The following SOWAHB variants were observed in gnomAD, a reference collection of about 807,000 sequenced individuals.
The protein encoded by SOWAHB is sosondowah ankyrin repeat domain family member B.
A neutral mutation model predicts 18.3 loss-of-function variants in SOWAHB; 17 were observed. That is an observed-to-expected ratio of 0.93 (90% CI 0.64 to 1.40). The LOEUF is 1.40. Ranked by LOEUF, SOWAHB falls within the 40% of genes most tolerant of loss-of-function variation. The pLI is 0.00. For synonymous variants in SOWAHB, 496 were observed against 448.1 expected, an observed-to-expected ratio of 1.11 and a Z score of -1.35; for missense variants, 1,126 against 1,033.7, an observed-to-expected ratio of 1.09 and a Z score of -1.22.
Position 76,896,931 on chromosome 4 carries a change from G to C in SOWAHB, c.919C>G (p.Arg307Gly). The C allele has an allele frequency of 6.2e-7, 1 of 1,610,160 alleles. No homozygotes were observed. The change falls in exon 1 of 1, where the codon CGA (arginine) becomes GGA (glycine). Residue 307 changes from arginine (R) to glycine (G), a missense_variant. Coordinates refer to ENST00000334306, the MANE Select transcript of SOWAHB (RefSeq NM_001029870.3). ...TGCGGGTGCCTGGCCACCCACTCTC[G>C]AGTGCGCTGCTGCTGCTGCTGCAGG... ...STLQQQQQRT[R>G]EWVARHPQVP... is the part of the protein sequence containing the mutation.
rs942454468 is a variant in SOWAHB at position 76,897,644 on chromosome 4, T to C, written c.206A>G (p.Lys69Arg). ...GTATCTCCTCTTGAGCACCACGTACTTGGTGCCGTCGGGGTCCTGGCGCAC... is the reference window on the plus strand; with the variant it reads ...GTATCTCCTCTTGAGCACCACGTACCTGGTGCCGTCGGGGTCCTGGCGCAC... ...AAVRQDPDGT[K>R]YVVLKRRYRD... The change falls in exon 1 of 1, where the codon AAG (lysine) becomes AGG (arginine). Residue 69 changes from lysine (K) to arginine (R), a missense_variant. Coordinates refer to ENST00000334306, the MANE Select transcript of SOWAHB (RefSeq NM_001029870.3). The surrounding 1 kb of genome is among the most constrained non-coding windows in gnomAD (Gnocchi z 6.4). The C allele has an allele frequency of 2.5e-6, 4 of 1,612,300 alleles. No homozygotes were observed. The East Asian group carries it at 8.9e-5, about 36-fold the overall frequency.
In SOWAHB at chr4:76,897,720, G is replaced by A. The variant is rs1339656667; in HGVS notation, c.130C>T (p.His44Tyr). The A allele has an allele frequency of 3.1e-6, 5 of 1,610,686 alleles. No homozygotes were observed. Among genetic ancestry groups the A allele is most frequent in the Non-Finnish European group, 4.2e-6 (5 of 1,179,890 alleles). Residue 44 changes from histidine (H) to tyrosine (Y), a missense_variant, in exon 1 of 1, where the codon CAC becomes TAC. Coordinates refer to ENST00000334306, the MANE Select transcript of SOWAHB (RefSeq NM_001029870.3). This position sits in a 1 kb window ranked among gnomAD's most constrained non-coding sequence, Gnocchi z 6.4. ...TTGAAGAGCTCGCGGCGGTGCTGGT[G>A]CTGGCTGGGGGACGCGTCGGGGTCT... is the stretch of plus-strand genomic sequence containing the variant. ...LRDPDASPSQ[H>Y]QHRRELFKGF...
At position 76,895,332 on chromosome 4, in the gene SOWAHB, A is replaced by G; in HGVS notation, c.*136T>C. The G allele has an allele frequency of 1.2e-6, 1 of 819,276 alleles. No individual in the cohort carries two copies. The highest frequency in any genetic ancestry group is 2.0e-5 in the South Asian group (1 of 49,152). The allele number at this position is 819,276 out of a possible 1,614,324, so 50.8% of individuals were successfully genotyped here. A position where few individuals can be genotyped will look rare whatever the true frequency, so the allele number is the denominator to read the frequency against. On this transcript the variant is annotated 3_prime_UTR_variant, in exon 1 of 1. Coordinates refer to ENST00000334306, the MANE Select transcript of SOWAHB (RefSeq NM_001029870.3). Reference sequence around the variant, plus strand: ...CTTGAGGTCCAGGATGTAGTGACATAAGATCCAGGGAGGTCAACACCATCT... The same window carrying G: ...CTTGAGGTCCAGGATGTAGTGACATGAGATCCAGGGAGGTCAACACCATCT...
At position 76,898,091 on chromosome 4, in the gene SOWAHB, AG is replaced by A. The variant is rs1719981457; in HGVS notation, c.-243del. The A allele has an allele frequency of 3.6e-5, 18 of 498,494 alleles. No homozygotes were observed. Among genetic ancestry groups the A allele is most frequent in the Non-Finnish European group, 5.3e-5 (15 of 285,606 alleles). The allele number at this position is 498,494 out of a possible 1,614,324, so 30.9% of individuals were successfully genotyped here. A position where few individuals can be genotyped will look rare whatever the true frequency, so the allele number is the denominator to read the frequency against. ...GTCTGCGTGAGAGAGGGCGGCTCCG[AG>A]GCCGCCCCTGCGCGACTCTAGCCTC... On this transcript the variant is annotated 5_prime_UTR_variant, in exon 1 of 1. Transcript: ENST00000334306.
In SOWAHB at chr4:76,897,715, C is replaced by A. The variant is rs1228642604; in HGVS notation, c.135G>T (p.Gln45His). The A allele has an allele frequency of 6.2e-7, 1 of 1,610,878 alleles. No homozygotes were observed. Among genetic ancestry groups the A allele is most frequent in the Admixed American group, 1.7e-5 (1 of 60,022 alleles). ...RDPDASPSQH[Q>H]HRRELFKGFV... ...AGCCCTTGAAGAGCTCGCGGCGGTGCTGGTGCTGGCTGGGGGACGCGTCGG... is the reference window on the plus strand; with the variant it reads ...AGCCCTTGAAGAGCTCGCGGCGGTGATGGTGCTGGCTGGGGGACGCGTCGG... The change falls in exon 1 of 1, where the codon CAG becomes CAT. Residue 45 changes from glutamine to histidine, a missense_variant. By Grantham distance (24) the Gln-to-His change is conservative. Coordinates refer to ENST00000334306, the MANE Select transcript of SOWAHB (RefSeq NM_001029870.3). This position sits in a 1 kb window ranked among gnomAD's most constrained non-coding sequence, Gnocchi z 6.4.
Position 76,897,558 on chromosome 4 carries a change from T to C in SOWAHB, c.292A>G (p.Ser98Gly). ...RPREPPAAAP[S>G]AGGAAPCSPR... The stretch of plus-strand genomic sequence containing the variant: ...GAGCAGGGCGCAGCTCCCCCTGCAC[T>C]GGGGGCGGCCGCGGGCGGCTCGCGG... Residue 98 changes from serine (S) to glycine (G), a missense_variant, in exon 1 of 1, where the codon AGT becomes GGT. By Grantham distance (56) the Ser-to-Gly change is moderately conservative. Transcript: ENST00000334306. This position sits in a 1 kb window ranked among gnomAD's most constrained non-coding sequence, Gnocchi z 6.4. The C allele has an allele frequency of 6.3e-7, 1 of 1,578,948 alleles. No individual in the cohort carries two copies. The highest frequency in any genetic ancestry group is 8.6e-7 in the Non-Finnish European group (1 of 1,167,806).
In SOWAHB at chr4:76,896,605, G is replaced by A. The variant is rs773173571; in HGVS notation, c.1245C>T (p.Ser415=). Residue 415 remains serine (S), a synonymous_variant, in exon 1 of 1, where the codon TCC becomes TCT. Coordinates refer to ENST00000334306, the MANE Select transcript of SOWAHB (RefSeq NM_001029870.3). ...GCAGCCCCTCTTCAGAAGCCCCCGG[G>A]GAGTCTTTGGGCCCACTGCTGCTCT... ...SEESSSGPKD[S]PGASEEGLQV... The A allele has an allele frequency of 3.7e-6, 6 of 1,613,844 alleles. No homozygotes were observed. The South Asian group carries it at 6.6e-5, about 18-fold the overall frequency.
rs762090999 is a variant in SOWAHB at position 76,897,279 on chromosome 4, TCGC to T, written c.568_570del (p.Ala190del). Reference sequence around the variant, plus strand: ...TCCCAGCAGCAGCGGCCCTGCGTCTTCGCCGCCGCGCAGCTCGCTCTCGCCTGG... The same window carrying T: ...TCCCAGCAGCAGCGGCCCTGCGTCTTCGCCGCGCAGCTCGCTCTCGCCTGG... On this transcript the variant is annotated inframe_deletion, in exon 1 of 1. Coordinates refer to ENST00000334306, the MANE Select transcript of SOWAHB (RefSeq NM_001029870.3). This position sits in a 1 kb window ranked among gnomAD's most constrained non-coding sequence, Gnocchi z 6.4. 2.9e-5 allele frequency: 45 copies of T among 1,549,356 alleles called. No homozygotes were observed. The highest frequency in any genetic ancestry group is 3.8e-5 in the Non-Finnish European group (44 of 1,154,508).
rs754544735 is a variant in SOWAHB, at chr4:76,897,843, G to A, written c.7C>T (p.Arg3Ter). MA[R>*]ELSQEALLDF... ...AGTAGTGCCTCCTGGCTCAGCTCTC[G>A]GGCCATCGCTGCCTTGTCCTCCGCC... Residue 3 changes from arginine (R) to a stop codon, truncating the protein, a stop_gained, in exon 1 of 1, where the codon CGA (arginine) becomes TGA (stop). Coordinates refer to ENST00000334306, the MANE Select transcript of SOWAHB (RefSeq NM_001029870.3). LOFTEE classifies it low-confidence loss of function (END_TRUNC). This position sits in a 1 kb window ranked among gnomAD's most constrained non-coding sequence, Gnocchi z 6.4. 1 of 1,597,116 alleles carries A rather than the reference G, an allele frequency of 6.3e-7. No individual in the cohort carries two copies. Among genetic ancestry groups the A allele is most frequent in the African/African-American group, 1.3e-5 (1 of 75,004 alleles).
chr4:76,897,619 G>T lies in SOWAHB; in HGVS notation c.231C>A (p.Tyr77Ter), dbSNP rs1413547772. The T allele has an allele frequency of 6.2e-7, 1 of 1,611,508 alleles. No homozygotes were observed. Among genetic ancestry groups the T allele is most frequent in the Non-Finnish European group, 8.5e-7 (1 of 1,179,824 alleles). The part of the protein sequence containing the change: ...GTKYVVLKRR[Y>*]RDLLGEEGLQ... ...GCCCCTCCTCCCCCAAAAGGTCCCT[G>T]TATCTCCTCTTGAGCACCACGTACT... Residue 77 changes from tyrosine to a stop codon, truncating the protein, a stop_gained, in exon 1 of 1, where the codon TAC (tyrosine) becomes TAA (stop). Coordinates refer to ENST00000334306, the MANE Select transcript of SOWAHB (RefSeq NM_001029870.3). LOFTEE classifies it low-confidence loss of function (END_TRUNC). This position sits in a 1 kb window ranked among gnomAD's most constrained non-coding sequence, Gnocchi z 6.4.
Position 76,896,619 on chromosome 4 carries a change from C to T in SOWAHB, c.1231G>A (p.Gly411Arg). 6.2e-7 allele frequency: 1 copy of T among 1,613,996 alleles called. No individual in the cohort carries two copies. Among genetic ancestry groups the T allele is most frequent in the Non-Finnish European group, 8.5e-7 (1 of 1,180,040 alleles). ...ESDGSEESSS[G>R]PKDSPGASEE... Reference sequence around the variant, plus strand: ...GAAGCCCCCGGGGAGTCTTTGGGCCCACTGCTGCTCTCCTCACTGCCATCA... The same window carrying T: ...GAAGCCCCCGGGGAGTCTTTGGGCCTACTGCTGCTCTCCTCACTGCCATCA... The change falls in exon 1 of 1, where the codon GGG becomes AGG. Residue 411 changes from glycine to arginine, a missense_variant. Physicochemically the swap from Gly to Arg is moderately radical, Grantham distance 125. Transcript: ENST00000334306.
In SOWAHB at chr4:76,897,101, G is replaced by T. The variant is rs1177492984; in HGVS notation, c.749C>A (p.Ala250Glu). The T allele has an allele frequency of 1.3e-6, 2 of 1,537,232 alleles. No individual in the cohort carries two copies. Among genetic ancestry groups the T allele is most frequent in the African/African-American group, 2.7e-5 (2 of 73,230 alleles). Residue 250 changes from alanine (A) to glutamate (E), a missense_variant, in exon 1 of 1, where the codon GCG becomes GAG. Transcript: ENST00000334306. This position sits in a 1 kb window ranked among gnomAD's most constrained non-coding sequence, Gnocchi z 6.4. ...EREEGALAEP[A>E]PVPAVAHSPP... ...CGAGTGAGCCACTGCAGGCACAGGC[G>T]CCGGCTCAGCTAGCGCGCCTTCTTC...
Position 76,897,717 on chromosome 4 carries a change from G to C in SOWAHB, c.133C>G (p.Gln45Glu). 6.2e-7 allele frequency: 1 copy of C among 1,610,904 alleles called. No individual in the cohort carries two copies. Among genetic ancestry groups the C allele is most frequent in the South Asian group, 1.1e-5 (1 of 91,078 alleles). ...RDPDASPSQH[Q>E]HRRELFKGFV... ...CCCTTGAAGAGCTCGCGGCGGTGCTGGTGCTGGCTGGGGGACGCGTCGGGG... is the reference window on the plus strand; with the variant it reads ...CCCTTGAAGAGCTCGCGGCGGTGCTCGTGCTGGCTGGGGGACGCGTCGGGG... The change falls in exon 1 of 1, where the codon CAG becomes GAG. Residue 45 changes from glutamine to glutamate, a missense_variant. Transcript: ENST00000334306. The surrounding 1 kb of genome is among the most constrained non-coding windows in gnomAD (Gnocchi z 6.4).
chr4:76,897,483 G>A lies in SOWAHB; in HGVS notation c.367C>T (p.Arg123Trp), dbSNP rs1241506857. The change falls in exon 1 of 1, where the codon CGG becomes TGG. Residue 123 changes from arginine (R) to tryptophan (W), a missense_variant. Physicochemically the swap from Arg to Trp is moderately radical, Grantham distance 101. Coordinates refer to ENST00000334306, the MANE Select transcript of SOWAHB (RefSeq NM_001029870.3). The surrounding 1 kb of genome is among the most constrained non-coding windows in gnomAD (Gnocchi z 6.4). The part of the protein sequence containing the change: ...GEPPQQQPRR[R>W]RREKEPEEEP... The stretch of plus-strand genomic sequence containing the variant: ...TCCTCCGGCTCCTTCTCGCGCCGCC[G>A]CCGCCTGGGCTGCTGCTGGGGCGGC... 6 of 1,479,312 alleles carry A rather than the reference G, an allele frequency of 4.1e-6. No individual in the cohort carries two copies. The highest frequency in any genetic ancestry group is 4.5e-6 in the Non-Finnish European group (5 of 1,122,338). 91.6% of individuals were successfully genotyped at this position (1,479,312 alleles called of 1,614,324 possible). A position where few individuals can be genotyped will look rare whatever the true frequency, so the allele number is the denominator to read the frequency against.
rs1337637005 is a variant in SOWAHB, at chr4:76,897,608, A to T, written c.242T>A (p.Leu81Ter). 6.2e-7 allele frequency: 1 copy of T among 1,610,040 alleles called. No homozygotes were observed. The highest frequency in any genetic ancestry group is 1.3e-5 in the African/African-American group (1 of 74,804). The change falls in exon 1 of 1, where the codon TTG becomes TAG. Residue 81 changes from leucine to a stop codon, truncating the protein, a stop_gained. Coordinates refer to ENST00000334306, the MANE Select transcript of SOWAHB (RefSeq NM_001029870.3). LOFTEE classifies it low-confidence loss of function (END_TRUNC). This position sits in a 1 kb window ranked among gnomAD's most constrained non-coding sequence, Gnocchi z 6.4. ...VVLKRRYRDL[L>*]GEEGLQRPRE... ...GGGTCGCTGCAGCCCCTCCTCCCCC[A>T]AAAGGTCCCTGTATCTCCTCTTGAG...
Position 76,894,350 on chromosome 4 carries a change from A to C in SOWAHB, c.*1118T>G, listed in dbSNP as rs1289971770. On this transcript the variant is annotated 3_prime_UTR_variant, in exon 1 of 1. Transcript: ENST00000334306. ...CTTGATGCTCTACTGACGTTTATAG[A>C]CTAGCCATTTTCTCACTCCATGAAC... Among the ~76,000 whole-genome samples the C allele has an allele frequency of 6.6e-6, 1 of 152,198 alleles. No individual in the cohort carries two copies. The highest frequency in any genetic ancestry group is 1.5e-5 in the Non-Finnish European group (1 of 68,038).
rs1177433489 is a variant in SOWAHB, at chr4:76,897,730, G to A, written c.120C>T (p.Ser40=). ...FKSFLRDPDA[S]PSQHQHRREL... is the part of the protein sequence containing the mutation. ...CGCGGCGGTGCTGGTGCTGGCTGGGGGACGCGTCGGGGTCTCGGAGAAAGC... is the reference window on the plus strand; with the variant it reads ...CGCGGCGGTGCTGGTGCTGGCTGGGAGACGCGTCGGGGTCTCGGAGAAAGC... Residue 40 remains serine, a synonymous_variant, in exon 1 of 1, where the codon TCC becomes TCT. Coordinates refer to ENST00000334306, the MANE Select transcript of SOWAHB (RefSeq NM_001029870.3). This position sits in a 1 kb window ranked among gnomAD's most constrained non-coding sequence, Gnocchi z 6.4. 3 of 1,609,906 alleles carry A rather than the reference G, an allele frequency of 1.9e-6. No homozygotes were observed.
Position 76,896,575 on chromosome 4 carries a change from A to C in SOWAHB, c.1275T>G (p.Val425=), listed in dbSNP as rs1303951554. ...SPGASEEGLQ[V]VLGTPDRGKL... is the part of the protein sequence containing the mutation. ...TCCCCCTATCTGGGGTTCCCAAGAC[A>C]ACCTGCAGCCCCTCTTCAGAAGCCC... The change falls in exon 1 of 1, where the codon GTT becomes GTG. Residue 425 remains valine, a synonymous_variant. Transcript: ENST00000334306. 2 of 1,613,428 alleles carry C rather than the reference A, an allele frequency of 1.2e-6. No homozygotes were observed. The highest frequency in any genetic ancestry group is 4.5e-5 in the East Asian group (2 of 44,874).
Position 76,897,216 on chromosome 4 carries a change from G to A in SOWAHB, c.634C>T (p.Leu212Phe), listed in dbSNP as rs767222409. The A allele has an allele frequency of 1.1e-5, 18 of 1,582,358 alleles. No homozygotes were observed. The highest frequency in any genetic ancestry group is 1.4e-5 in the Non-Finnish European group (17 of 1,172,694). ...QNNLAVLPGE[L>F]GALPHSATAE... The stretch of plus-strand genomic sequence containing the variant: ...GTGGCCGAGTGCGGGAGTGCGCCGA[G>A]CTCTCCCGGCAGTACAGCCAGGTTG... Residue 212 changes from leucine (L) to phenylalanine (F), a missense_variant, in exon 1 of 1, where the codon CTC (leucine) becomes TTC (phenylalanine). Coordinates refer to ENST00000334306, the MANE Select transcript of SOWAHB (RefSeq NM_001029870.3). The surrounding 1 kb of genome is among the most constrained non-coding windows in gnomAD (Gnocchi z 6.4).
Sources: gnomAD v4.1 joint callset for allele counts (sites outside exome capture counted in the v4.1 genomes callset) on GRCh38, gnomAD v4.1.1 for gene constraint, Gnocchi (gnomAD v3.1) non-coding constraint, MANE v1.5 for transcripts, NCBI Gene and HGNC (gene_info 2026-07-23, HGNC 2026-07-21) for gene names.